The following OPCML variants were observed in gnomAD, a reference collection of about 807,000 sequenced individuals.
OPCML encodes opioid-binding protein/cell adhesion molecule.
OPCML carries 13 observed loss-of-function variants against 37.8 expected under a neutral mutation model. The observed-to-expected ratio is 0.34, with a 90% confidence interval of 0.22 to 0.55. OPCML has a LOEUF of 0.55. Among genes scored for constraint, OPCML ranks in the 20% least tolerant of loss-of-function variants. The probability of loss-of-function intolerance (pLI) is 0.91; values close to 1 mark genes in which losing one functional copy is unlikely to be tolerated. For missense variants in OPCML, 341 were observed against 435.6 expected (o/e 0.78, Z 1.93); for synonymous variants, 176 against 168.8 (o/e 1.04, Z -0.33).
At chr11:133,468,602 GT>G (rs1199865021) in intron 1 of OPCML, among the ~76,000 whole-genome samples, 1 of 152,234 alleles carries the variant, frequency 6.6e-6, no homozygotes, top group East Asian at 1.9e-4. Flanking sequence ...TGGGGAAAAT[GT>G]CCTAAGCAAA....
At position 132,995,580 on chromosome 11, in the gene OPCML, G is replaced by A. The variant is rs868819886; in HGVS notation, c.62-52570C>T. On this transcript the variant is annotated intron_variant, in intron 1 of 7. Coordinates refer to ENST00000524381, the MANE Select transcript of OPCML (RefSeq NM_001012393.5). ...GAAATAAAGGGGATAAAACTTTGAG[G>A]AAAAGAATTAGATTATTTAAATAAA... Among the ~76,000 whole-genome samples the A allele has an allele frequency of 2.6e-5, 4 of 152,078 alleles. No homozygotes were observed. The South Asian group carries it at 6.2e-4, about 24-fold the overall frequency.
At chr11:133,042,611 C>T (rs1318317268) in intron 1 of OPCML, among the ~76,000 whole-genome samples, 1 of 152,200 alleles carries the variant, frequency 6.6e-6, no homozygotes, top group African/African-American at 2.4e-5. Flanking sequence ...CTCAGAGTAA[C>T]ACTGTTAGTG....
chr11:133,163,352 T>C lies in OPCML; in HGVS notation c.62-220342A>G, dbSNP rs145768306. On this transcript the variant is annotated intron_variant, in intron 1 of 7. Transcript: ENST00000524381. ...AAAATTGCATAGATAGAAAATGTAA[T>C]AAATCTGAAAGTTTAATCCTGGAGC... Among the ~76,000 whole-genome samples the C allele has an allele frequency of 1.3e-3, 198 of 152,304 alleles. 1 individual carries two copies. Among genetic ancestry groups the C allele is most frequent in the African/African-American group, 2.2e-3 (91 of 41,566 alleles).
chr11:133,006,961 A>G, intron 1 of OPCML: 2 of 985,456 alleles, frequency 2.0e-6, no homozygotes, highest in Non-Finnish European at 1.2e-6. Context: ...AATGTCTGCA[A>G]AATACCTGAA....
chr11:132,767,271 G>A (rs1946477147), intron 2 of OPCML, among the ~76,000 whole-genome samples: 2 of 152,052 alleles, frequency 1.3e-5, no homozygotes, highest in Non-Finnish European at 2.9e-5. Context: ...TCATTAAGGA[G>A]CCCTGGGTGG....
intron 4 of OPCML, among the ~76,000 whole-genome samples, chr11:132,485,655 A>G (rs916476389): frequency 1.3e-5 from 2 of 152,174 alleles, no homozygotes; most frequent in Admixed American, 1.3e-4. Context: ...ATACTATGTA[A>G]TCTTTTGTGG....
chr11:132,969,982 C>T (rs751920429), intron 1 of OPCML, among the ~76,000 whole-genome samples: 2 of 151,998 alleles, frequency 1.3e-5, no homozygotes, highest in Admixed American at 6.6e-5. Flanking sequence ...TGATTCTTTT[C>T]GTGTCTCATA....
intron 2 of OPCML, among the ~76,000 whole-genome samples, chr11:132,781,952 A>ATT (rs1565859300): frequency 1.7e-5 from 1 of 60,372 alleles, no homozygotes; most frequent in South Asian, 4.4e-4. Flanking sequence ...ATATATATAT[A>ATT]TATTTTTTTT....
intron 1 of OPCML, among the ~76,000 whole-genome samples, chr11:133,326,992 AGG>A (rs1388774087): frequency 6.3e-5 from 1 of 15,782 alleles, no homozygotes; most frequent in African/African-American, 2.6e-4. Context: ...TATGTGGGTG[AGG>A]GGGTGTGGGT....
chr11:132,579,232 G>A (rs1162427011), intron 3 of OPCML, among the ~76,000 whole-genome samples: 1 of 152,082 alleles, frequency 6.6e-6, no homozygotes, highest in Admixed American at 6.6e-5. Flanking sequence ...GAACTCCTGG[G>A]CACTTTAGAA....
chr11:132,506,917 G>C (rs892078596), intron 4 of OPCML, among the ~76,000 whole-genome samples: 4 of 151,544 alleles, frequency 2.6e-5, no homozygotes, highest in Non-Finnish European at 5.9e-5. Flanking sequence ...TGAAAAAAAG[G>C]CTTCAGTTGG....
At chr11:133,159,314 T>G (rs184859588) in intron 1 of OPCML, among the ~76,000 whole-genome samples, 9 of 152,200 alleles carry the variant, frequency 5.9e-5, no homozygotes, top group African/African-American at 1.9e-4. Context: ...TGGGGCACGA[T>G]GTATGCCTCA....
At chr11:132,983,509 T>C (rs1023856694) in intron 1 of OPCML, among the ~76,000 whole-genome samples, 2 of 152,216 alleles carry the variant, frequency 1.3e-5, no homozygotes, top group Non-Finnish European at 2.9e-5. Context: ...TGCATGCATG[T>C]TGTTCTCGCT....
At chr11:132,924,293 TCTC>T (rs903456972) in intron 2 of OPCML, among the ~76,000 whole-genome samples, 1 of 152,028 alleles carries the variant, frequency 6.6e-6, no homozygotes, top group South Asian at 2.1e-4. Flanking sequence ...AAGTTAATCA[TCTC>T]CTCCTCCTCC....
intron 2 of OPCML, among the ~76,000 whole-genome samples, chr11:132,727,544 G>A (rs1944930068): frequency 6.6e-6 from 1 of 152,154 alleles, no homozygotes; most frequent in South Asian, 2.1e-4. Flanking sequence ...CACACCCGGA[G>A]CCCTAGAGCC....
chr11:132,674,245 G>T (rs765975560), intron 2 of OPCML, among the ~76,000 whole-genome samples: 1 of 152,180 alleles, frequency 6.6e-6, no homozygotes, highest in African/African-American at 2.4e-5. Flanking sequence ...ACAGCAGAGC[G>T]GTCGAAGCAG....
chr11:133,437,433 C>G (rs1250285457), intron 1 of OPCML, among the ~76,000 whole-genome samples: 2 of 152,140 alleles, frequency 1.3e-5, no homozygotes, highest in Non-Finnish European at 2.9e-5. Flanking sequence ...GCATCATGTG[C>G]ACTTGGGAAA....
chr11:132,921,684 T>G (rs1944807937), intron 2 of OPCML, among the ~76,000 whole-genome samples: 1 of 152,110 alleles, frequency 6.6e-6, no homozygotes, highest in South Asian at 2.1e-4. Context: ...TCTGGAGAAA[T>G]TTTTTTATAA....
At chr11:132,738,453 A>G (rs995223274) in intron 2 of OPCML, among the ~76,000 whole-genome samples, 4 of 152,146 alleles carry the variant, frequency 2.6e-5, no homozygotes, top group African/African-American at 9.7e-5. Flanking sequence ...TTGCTATTTT[A>G]TTTTTCAGTT....
Sources: gnomAD v4.1 joint callset for allele counts (sites outside exome capture counted in the v4.1 genomes callset) on GRCh38, gnomAD v4.1.1 for gene constraint, MANE v1.5 for transcripts, NCBI Gene and HGNC (gene_info 2026-07-23, HGNC 2026-07-21) for gene names.